The following PLEKHB2 variants were observed in gnomAD, a reference collection of about 807,000 sequenced individuals.
PLEKHB2 encodes pleckstrin homology domain-containing family B member 2.
PLEKHB2 carries 31 observed loss-of-function variants against 36.5 expected under a neutral mutation model. The observed-to-expected ratio is 0.85, with a 90% CI of 0.64 to 1.15. The LOEUF (loss-of-function observed/expected upper bound fraction) is 1.15. Ranked by LOEUF, PLEKHB2 falls within the 50% of genes most tolerant of loss-of-function variation. The pLI is 0.00. For synonymous variants in PLEKHB2, 119 were observed against 112.0 expected (o/e 1.06, Z -0.39); for missense variants, 262 against 295.3 (o/e 0.89, Z 0.83).
At position 131,140,256 on chromosome 2, in the gene PLEKHB2, C is replaced by A. The variant is rs773624594; in HGVS notation, c.513C>A (p.Pro171=). 6.2e-7 allele frequency: 1 copy of A among 1,603,318 alleles called. No individual in the cohort carries two copies. Among genetic ancestry groups the A allele is most frequent in the Non-Finnish European group, 8.5e-7 (1 of 1,170,808 alleles). Residue 171 remains proline, a synonymous_variant, in exon 7 of 8, where the codon CCC becomes CCA. Transcript: ENST00000693505. The part of the protein sequence containing the change: ...YAANGQAYAV[P]YQYPYAGLYG... Reference sequence around the variant, plus strand: ...CGAATGGGCAGGCGTATGCCGTGCCCTACCAGTACCCATATGCAGGTAACT... The same window carrying A: ...CGAATGGGCAGGCGTATGCCGTGCCATACCAGTACCCATATGCAGGTAACT...
At chr2:131,142,428 T>G (rs755615179) in intron 7 of PLEKHB2, among the ~76,000 whole-genome samples, 1 of 152,212 alleles carries the variant, frequency 6.6e-6, no homozygotes, top group Non-Finnish European at 1.5e-5. Context: ...CCTATTATCA[T>G]ATTGGGTGAT....
At chr2:131,133,689 C>T (rs995017864) in intron 6 of PLEKHB2, among the ~76,000 whole-genome samples, 3 of 152,216 alleles carry the variant, frequency 2.0e-5, no homozygotes, top group Non-Finnish European at 2.9e-5. Flanking sequence ...CCTGCTGTGA[C>T]ACCCTTTAAT....
At chr2:131,125,590 A>C (rs1184497485) in intron 2 of PLEKHB2, among the ~76,000 whole-genome samples, 163 bp from the exon 3 acceptor site, 1 of 152,166 alleles carries the variant, frequency 6.6e-6, no homozygotes, top group East Asian at 1.9e-4. Flanking sequence ...CTGTAGTCGC[A>C]GCTAAACGGG....
At chr2:131,114,919 T>G (rs1695698712) in intron 1 of PLEKHB2, among the ~76,000 whole-genome samples, 1 of 152,260 alleles carries the variant, frequency 6.6e-6, no homozygotes, top group Non-Finnish European at 1.5e-5. Context: ...CCAAAGTTGC[T>G]TCCACATTTT....
chr2:131,143,742 C>T (rs1037121629), intron 7 of PLEKHB2, among the ~76,000 whole-genome samples: 4 of 152,118 alleles, frequency 2.6e-5, no homozygotes, highest in African/African-American at 9.7e-5. Flanking sequence ...GTTGGGATCC[C>T]ATGGGATGGA....
At chr2:131,137,179 C>T (rs977883392) in intron 6 of PLEKHB2, among the ~76,000 whole-genome samples, 1 of 149,054 alleles carries the variant, frequency 6.7e-6, no homozygotes, top group Non-Finnish European at 1.5e-5. Context: ...GATCTCCTGA[C>T]CTCGTGATCT....
chr2:131,128,745 A>G (rs751459676), intron 4 of PLEKHB2, among the ~76,000 whole-genome samples: 4 of 152,226 alleles, frequency 2.6e-5, no homozygotes, highest in Admixed American at 6.5e-5. Context: ...AAAAGATCAG[A>G]GATATGTTAG....
chr2:131,125,729 A>C (rs751899326), intron 2 of PLEKHB2, 24 bp from the exon 3 acceptor site: 1 of 1,575,628 alleles, frequency 6.3e-7, no homozygotes, highest in Non-Finnish European at 8.6e-7. Context: ...AAAAAAAAAC[A>C]ACCGTACTAT....
chr2:131,145,143 C>A (rs1699155282), intron 7 of PLEKHB2, among the ~76,000 whole-genome samples: 1 of 152,044 alleles, frequency 6.6e-6, no homozygotes, highest in Admixed American at 6.6e-5. Context: ...GTTTGTGTGC[C>A]CTTACTGTCC....
At chr2:131,127,629 A>G (rs1697227341) in intron 4 of PLEKHB2, among the ~76,000 whole-genome samples, 3 of 152,264 alleles carry the variant, frequency 2.0e-5, no homozygotes, top group Non-Finnish European at 4.4e-5. Flanking sequence ...CTGAGGGGAA[A>G]ACATTTCAAT....
intron 5 of PLEKHB2, among the ~76,000 whole-genome samples, chr2:131,132,535 A>T (rs182301759): frequency 6.6e-6 from 1 of 152,214 alleles, no homozygotes; most frequent in East Asian, 1.9e-4. Flanking sequence ...CCTGGGCTCT[A>T]GTGATCCTCT....
chr2:131,124,492 A>G (rs1696891141), intron 2 of PLEKHB2, among the ~76,000 whole-genome samples: 1 of 152,214 alleles, frequency 6.6e-6, no homozygotes, highest in South Asian at 2.1e-4. Context: ...AGTCAAGGAA[A>G]TTACTGTTTT....
rs1189139046 is a variant in PLEKHB2, at chr2:131,149,451, A to C, written c.*2678A>C. The C allele has an allele frequency of 1.3e-5, 2 of 152,186 alleles. No individual in the cohort carries two copies. The highest frequency in any genetic ancestry group is 4.8e-5 in the African/African-American group (2 of 41,436). The allele number at this position is 152,186 out of a possible 1,614,324, so 9.4% of individuals were successfully genotyped here. A position where few individuals can be genotyped will look rare whatever the true frequency, so the allele number is the denominator to read the frequency against. On this transcript the variant is annotated 3_prime_UTR_variant, in exon 8 of 8. Transcript: ENST00000693505. ...ATTGTTCTTTTCATTCCTTGAGTCA[A>C]CTTCAGGGTCTTGGATACTAAAGAG...
chr2:131,113,998 A>G (rs536455720), intron 1 of PLEKHB2, among the ~76,000 whole-genome samples: 29 of 152,216 alleles, frequency 1.9e-4, no homozygotes, highest in African/African-American at 6.0e-4. Context: ...CTGTTAGCAC[A>G]TAACAAAGTA....
chr2:131,140,371 A>ATGAGCTATATTTTCTGGT lies in PLEKHB2; in HGVS notation c.532+99_532+116dup, dbSNP rs1227942106. ...TTTTTATTTTTCAGTTTAAGGTTAC[A>ATGAGCTATATTTTCTGGT]TGAGCTATATTTTCTGGTTGTAGAC... On this transcript the variant is annotated intron_variant, in intron 7 of 7. Coordinates refer to ENST00000693505, the MANE Select transcript of PLEKHB2 (RefSeq NM_001100623.2). 3 of 642,510 alleles carry ATGAGCTATATTTTCTGGT rather than the reference A, an allele frequency of 4.7e-6. No individual in the cohort carries two copies. In the African/African-American group the frequency reaches 5.5e-5, roughly 12 times the overall value. The allele number at this position is 642,510 out of a possible 1,614,324, so 39.8% of individuals were successfully genotyped here.
chr2:131,121,352 G>A (rs796428372), intron 2 of PLEKHB2, among the ~76,000 whole-genome samples: 5 of 152,190 alleles, frequency 3.3e-5, no homozygotes, highest in African/African-American at 1.2e-4. Flanking sequence ...GGGTTCAAGT[G>A]ATTCTCCTGC....
At chr2:131,136,283 G>C (rs1168764143) in intron 6 of PLEKHB2, among the ~76,000 whole-genome samples, 1 of 149,932 alleles carries the variant, frequency 6.7e-6, no homozygotes, top group Non-Finnish European at 1.5e-5. Context: ...ATGGAGTGCA[G>C]TGGTACTATC....
intron 1 of PLEKHB2, among the ~76,000 whole-genome samples, chr2:131,106,843 T>C (rs2104750898): frequency 6.6e-6 from 1 of 152,324 alleles, no homozygotes; most frequent in South Asian, 2.1e-4. Context: ...TTGTAGGTGG[T>C]CAGTAAATGC....
At chr2:131,141,557 A>G (rs993495024) in intron 7 of PLEKHB2, among the ~76,000 whole-genome samples, 5 of 150,696 alleles carry the variant, frequency 3.3e-5, no homozygotes, top group Non-Finnish European at 7.4e-5. Context: ...GCAGGATGGC[A>G]TGAACCCGGG....
Sources: gnomAD v4.1 joint callset for allele counts (sites outside exome capture counted in the v4.1 genomes callset) on GRCh38, gnomAD v4.1.1 for gene constraint, MANE v1.5 for transcripts, NCBI Gene and HGNC (gene_info 2026-07-23, HGNC 2026-07-21) for gene names.